Variants in HPSE2 observed in about 807,000 individuals in gnomAD.
HPSE2 encodes the protein heparanase 2 (inactive).
In HPSE2, 38 loss-of-function variants were observed where a neutral mutation model predicts 60.5. The observed-to-expected ratio is 0.63, with a 90% CI of 0.48 to 0.82. The LOEUF (loss-of-function observed/expected upper bound fraction) is 0.82. Ranked by LOEUF, HPSE2 falls within the 40% of genes least tolerant of loss-of-function variation. The pLI is 0.00. For missense variants in HPSE2, 713 were observed against 740.4 expected (o/e 0.96, Z 0.43); for synonymous variants, 295 against 293.2 (o/e 1.01, Z -0.06).
chr10:98,665,938 T>C (rs1220654554), intron 6 of HPSE2, among the ~76,000 whole-genome samples: 2 of 152,142 alleles, frequency 1.3e-5, no homozygotes, highest in East Asian at 1.9e-4. Context: ...ATATAAATAC[T>C]AACCCTGAAT....
intron 3 of HPSE2, among the ~76,000 whole-genome samples, chr10:99,094,540 A>ATATATATATATTTTTT (rs1843646305): frequency 3.8e-5 from 1 of 26,612 alleles, no homozygotes; most frequent in African/African-American, 1.7e-4. Context: ...ATATATATAT[A>ATATATATATATTTTTT]TTTTTTTTTT....
chr10:98,880,416 C>T (rs1952990847), intron 3 of HPSE2, among the ~76,000 whole-genome samples: 2 of 151,866 alleles, frequency 1.3e-5, no homozygotes. Flanking sequence ...GGGTATTTTT[C>T]CTTTATGTAA....
chr10:99,287,591 A>G, the HPSE2 span, among the ~76,000 whole-genome samples: 1 of 152,172 alleles, frequency 6.6e-6, no homozygotes, highest in African/African-American at 2.4e-5. Flanking sequence ...TCATCCAGCT[A>G]TGTTTCTTGC....
intron 9 of HPSE2, among the ~76,000 whole-genome samples, chr10:98,505,871 C>T (rs1201949437): frequency 6.6e-6 from 1 of 152,152 alleles, no homozygotes; most frequent in Admixed American, 6.5e-5. Flanking sequence ...CTATTCTGCC[C>T]TGTTTCTTTG....
chr10:98,985,671 G>A (rs2135317586), intron 3 of HPSE2, among the ~76,000 whole-genome samples: 1 of 152,268 alleles, frequency 6.6e-6, no homozygotes, highest in Non-Finnish European at 1.5e-5. Context: ...TGGGCTAAAT[G>A]CTCCAATTAA....
intron 11 of HPSE2, chr10:98,461,730 A>G (rs1341384550): frequency 6.0e-6 from 9 of 1,508,888 alleles, no homozygotes; most frequent in African/African-American, 2.8e-5. Flanking sequence ...TTTCTCCCAT[A>G]TACAGAATTA....
chr10:98,838,339 A>T (rs1951838446), intron 3 of HPSE2, among the ~76,000 whole-genome samples: 1 of 152,188 alleles, frequency 6.6e-6, no homozygotes, highest in Non-Finnish European at 1.5e-5. Context: ...GACTATATTA[A>T]ATATAATAAT....
At chr10:98,766,807 C>T (rs528380791) in intron 3 of HPSE2, among the ~76,000 whole-genome samples, 1 of 152,164 alleles carries the variant, frequency 6.6e-6, no homozygotes, top group South Asian at 2.1e-4. Context: ...CACCTGTAGT[C>T]CCAGCTACTC....
chr10:99,232,329 T>C lies in HPSE2; in HGVS notation c.448+19A>G. ...TTGCTTCCGCTCCCCAAATAAAGAA[T>C]GGTAATCAAGTTTCTCACCATCCTC... On this transcript the variant is annotated intron_variant, in intron 2 of 11. Coordinates refer to ENST00000370552, the MANE Select transcript of HPSE2 (RefSeq NM_021828.5). The C allele has an allele frequency of 1.3e-6, 2 of 1,550,948 alleles. No homozygotes were observed. Among genetic ancestry groups the C allele is most frequent in the Non-Finnish European group, 1.7e-6 (2 of 1,146,788 alleles).
chr10:99,138,695 C>T (rs1000813357), intron 3 of HPSE2, among the ~76,000 whole-genome samples: 21 of 152,026 alleles, frequency 1.4e-4, no homozygotes, highest in African/African-American at 4.8e-4. Flanking sequence ...TGAACAATGA[C>T]AACACATGGA....
At chr10:98,870,498 T>C (rs149886333) in intron 3 of HPSE2, among the ~76,000 whole-genome samples, 54 of 152,324 alleles carry the variant, frequency 3.5e-4, no homozygotes, top group Non-Finnish European at 6.9e-4. Context: ...CTGGGACTTA[T>C]TAATCAACTT....
chr10:98,600,785 CATGT>C (rs1183723392), intron 9 of HPSE2, among the ~76,000 whole-genome samples: 16 of 114,946 alleles, frequency 1.4e-4, no homozygotes, highest in Admixed American at 2.0e-4. Context: ...CATACATAAA[CATGT>C]ATGTATATAT....
At position 98,459,392 on chromosome 10, in the gene HPSE2, C is replaced by A; in HGVS notation, c.*182G>T. 1 of 715,230 alleles carries A rather than the reference C, an allele frequency of 1.4e-6. No individual in the cohort carries two copies. Among genetic ancestry groups the A allele is most frequent in the Non-Finnish European group, 2.5e-6 (1 of 404,420 alleles). The allele number at this position is 715,230 out of a possible 1,614,324, so 44.3% of individuals were successfully genotyped here. A position where few individuals can be genotyped will look rare whatever the true frequency, so the allele number is the denominator to read the frequency against. On this transcript the variant is annotated 3_prime_UTR_variant, in exon 12 of 12. Coordinates refer to ENST00000370552, the MANE Select transcript of HPSE2 (RefSeq NM_021828.5). ...CATTTTCCTTTGGGATGGATGTGGC[C>A]TACCTAGGCTAAGATCACGCTATGA...
chr10:98,676,377 C>T (rs1947643149), intron 6 of HPSE2, among the ~76,000 whole-genome samples: 1 of 152,110 alleles, frequency 6.6e-6, no homozygotes, highest in African/African-American at 2.4e-5. Flanking sequence ...TTTGTTTATC[C>T]CATGGCTTTG....
chr10:98,888,641 CT>C (rs1953242071), intron 3 of HPSE2, among the ~76,000 whole-genome samples: 1 of 152,160 alleles, frequency 6.6e-6, no homozygotes, highest in Non-Finnish European at 1.5e-5. Context: ...ATGTTAAGTG[CT>C]CAATTACCGT....
chr10:98,835,482 A>T (rs1249779282), intron 3 of HPSE2, among the ~76,000 whole-genome samples: 1 of 152,182 alleles, frequency 6.6e-6, no homozygotes, highest in African/African-American at 2.4e-5. Context: ...CTTTGGAGGT[A>T]GGGAGAGGGT....
rs192249923 is a variant in HPSE2, at chr10:98,575,692, G to T, written c.1320+39212C>A. On this transcript the variant is annotated intron_variant, in intron 9 of 11. Coordinates refer to ENST00000370552, the MANE Select transcript of HPSE2 (RefSeq NM_021828.5). Reference sequence around the variant, plus strand: ...TGCTTGTGGTCACACAGCTAGCTGGGGGCTAGAACAAAACATCATGTCTTC... The same window carrying T: ...TGCTTGTGGTCACACAGCTAGCTGGTGGCTAGAACAAAACATCATGTCTTC... Among the ~76,000 whole-genome samples the T allele has an allele frequency of 2.4e-3, 360 of 152,270 alleles. 1 individual carries two copies. Among genetic ancestry groups the T allele is most frequent in the Middle Eastern group, 0.02 (6 of 294 alleles).
Position 98,553,506 on chromosome 10 carries a change from G to C in HPSE2, c.1320+61398C>G, listed in dbSNP as rs1163242539. 2.0e-5 allele frequency among the ~76,000 whole-genome samples: 3 copies of C among 152,164 alleles called. No individual in the cohort carries two copies. The South Asian group carries it at 6.2e-4, about 32-fold the overall frequency. ...ACATGCATCATTATTGAAGTAAAGA[G>C]CTCACCTCCTCCCCAAGCCTACTTT... On this transcript the variant is annotated intron_variant, in intron 9 of 11. Coordinates refer to ENST00000370552, the MANE Select transcript of HPSE2 (RefSeq NM_021828.5).
intron 3 of HPSE2, among the ~76,000 whole-genome samples, chr10:99,095,653 T>C (rs970435935): frequency 2.0e-5 from 3 of 152,234 alleles, no homozygotes; most frequent in African/African-American, 7.2e-5. Context: ...CACACAATAA[T>C]GTAACCATTT....
Sources: allele counts gnomAD v4.1 joint callset (sites outside exome capture counted in the v4.1 genomes callset), GRCh38; gene constraint gnomAD v4.1.1; transcripts MANE v1.5; gene names NCBI Gene and HGNC (gene_info 2026-07-23, HGNC 2026-07-21).